Variants in SLC12A3 observed in about 807,000 individuals in gnomAD.
SLC12A3 encodes the protein Na-Cl cotransporter.
Under a neutral mutation model 121.0 loss-of-function variants are expected in SLC12A3, and 104 were observed. That is an observed-to-expected ratio of 0.86 (90% CI 0.73 to 1.01). The LOEUF is 1.01. Ranked by LOEUF, SLC12A3 falls within the 50% of genes least tolerant of loss-of-function variation. The probability of loss-of-function intolerance (pLI) is 0.00; values close to 1 mark genes in which losing one functional copy is unlikely to be tolerated. For missense variants in SLC12A3, 1,328 were observed against 1,356.3 expected (o/e 0.98, Z 0.33); for synonymous variants, 536 against 533.4 (o/e 1.00, Z -0.07).
chr16:56,865,649 GC>G, intron 1 of SLC12A3, 132 bp downstream of exon 1: 3 of 1,000,660 alleles, frequency 3.0e-6, no homozygotes, highest in Non-Finnish European at 4.6e-6. Flanking sequence ...GGGTTGAGAG[GC>G]CCCAGTGAAA....
At chr16:56,870,772 G>T (rs1270053737) in intron 6 of SLC12A3, 36 bp downstream of exon 6, 2 of 1,347,422 alleles carry the variant, frequency 1.5e-6, no homozygotes, top group South Asian at 2.3e-5. Flanking sequence ...CATGGAGGTG[G>T]TCACGTGGAG....
At chr16:56,870,479 T>C (rs2055078071) in intron 5 of SLC12A3, 147 bp from the exon 6 acceptor site, 4 of 759,946 alleles carry the variant, frequency 5.3e-6, no homozygotes, top group Non-Finnish European at 9.2e-6. Flanking sequence ...CAGCAGCTGC[T>C]TTGGGGACTC....
At chr16:56,898,001 T>C (rs2055488039) in intron 22 of SLC12A3, among the ~76,000 whole-genome samples, 1 of 152,110 alleles carries the variant, frequency 6.6e-6, no homozygotes, top group South Asian at 2.1e-4. Context: ...TCCCATTTCT[T>C]CCTCTCTCCC....
intron 8 of SLC12A3, 88 bp downstream of exon 8, chr16:56,872,874 G>A (rs540181165): frequency 9.8e-6 from 15 of 1,537,752 alleles, no homozygotes; most frequent in Admixed American, 6.7e-5. Context: ...GGCATCTGCC[G>A]CTGACCTGGG....
intron 23 of SLC12A3, among the ~76,000 whole-genome samples, chr16:56,900,551 GA>G (rs2055524614): frequency 1.4e-5 from 1 of 72,986 alleles, no homozygotes; most frequent in Non-Finnish European, 2.5e-5. Context: ...TTATTTATGA[GA>G]TAGAGTCTTG....
intron 25 of SLC12A3, among the ~76,000 whole-genome samples, chr16:56,911,314 T>TGTTC (rs1491359524): frequency 1.4e-4 from 20 of 146,378 alleles, no homozygotes; most frequent in African/African-American, 5.4e-4. Flanking sequence ...ACCTTTTGTT[T>TGTTC]GTTTGTTTGT....
Position 56,880,241 on chromosome 16 carries a change from T to G in SLC12A3, c.1555T>G (p.Phe519Val). ...YLLAYAIAVAFIIIAELNTIA... is the reference protein window; with the variant it reads ...YLLAYAIAVAVIIIAELNTIA... The stretch of plus-strand genomic sequence containing the variant: ...GCTGGCCTACGCCATCGCTGTGGCC[T>G]TCATCATCATCGGTAAGGCTCTGCC... Residue 519 changes from phenylalanine (F) to valine (V), a missense_variant, in exon 12 of 26, where the codon TTC becomes GTC. By Grantham distance (50) the Phe-to-Val change is conservative. Coordinates refer to ENST00000563236, the MANE Select transcript of SLC12A3 (RefSeq NM_001126108.2). 1 of 1,581,880 alleles carries G rather than the reference T, an allele frequency of 6.3e-7. No homozygotes were observed. Among genetic ancestry groups the G allele is most frequent in the Non-Finnish European group, 8.6e-7 (1 of 1,163,458 alleles).
Position 56,865,232 on chromosome 16 carries a change from G to A in SLC12A3, c.-4G>A, listed in dbSNP as rs765470072. The A allele has an allele frequency of 1.3e-5, 21 of 1,613,266 alleles. No individual in the cohort carries two copies. Among genetic ancestry groups the A allele is most frequent in the East Asian group, 4.5e-5 (2 of 44,886 alleles). ...CTGGCCCCTCCCTGGACACCCAGGCGACAATGGCAGAACTGCCCACAACAG... is the reference window on the plus strand; with the variant it reads ...CTGGCCCCTCCCTGGACACCCAGGCAACAATGGCAGAACTGCCCACAACAG... On this transcript the variant is annotated 5_prime_UTR_variant, in exon 1 of 26. Transcript: ENST00000563236.
intron 3 of SLC12A3, among the ~76,000 whole-genome samples, chr16:56,868,619 G>A (rs138031568): frequency 1.3e-5 from 2 of 152,226 alleles, no homozygotes; most frequent in Non-Finnish European, 2.9e-5. Context: ...CCCTCAGTAA[G>A]CCACTTAACC....
chr16:56,870,258 T>G (rs754979469), intron 5 of SLC12A3, 23 bp downstream of exon 5: 2 of 1,609,278 alleles, frequency 1.2e-6, no homozygotes, highest in South Asian at 1.1e-5. Flanking sequence ...GGCTGGACCC[T>G]GGGTAGAGGG....
At chr16:56,871,895 G>T (rs546548179) in intron 6 of SLC12A3, among the ~76,000 whole-genome samples, 45 of 152,140 alleles carry the variant, frequency 3.0e-4, no homozygotes, top group Admixed American at 5.9e-4. Flanking sequence ...GCTAATTTTT[G>T]TATTTTTAGT....
chr16:56,870,164 G>A lies in SLC12A3; in HGVS notation c.670G>A (p.Ala224Thr), dbSNP rs201727970. 56 of 1,614,046 alleles carry A rather than the reference G, an allele frequency of 3.5e-5. 1 individual carries two copies. The South Asian group carries it at 3.8e-4, about 11-fold the overall frequency. Reference protein sequence around the residue: ...ELGGSIGLIFAFANAVGVAMH... With the variant: ...ELGGSIGLIFTFANAVGVAMH... ...TGGGGGCTCCATCGGCCTCATTTTC[G>A]CTTTCGCCAATGCCGTGGGTGTGGC... The change falls in exon 5 of 26, where the codon GCT becomes ACT. Residue 224 changes from alanine to threonine, a missense_variant. By Grantham distance (58) the Ala-to-Thr change is moderately conservative. Transcript: ENST00000563236.
intron 18 of SLC12A3, among the ~76,000 whole-genome samples, chr16:56,888,505 A>G (rs1421987791): frequency 6.9e-6 from 1 of 145,842 alleles, no homozygotes; most frequent in Non-Finnish European, 1.5e-5. Context: ...AATGGGCTCT[A>G]GTGCCCGTGC....
At chr16:56,866,968 G>T (rs1467576072) in intron 1 of SLC12A3, 102 bp from the exon 2 acceptor site, 4 of 1,500,840 alleles carry the variant, frequency 2.7e-6, no homozygotes, top group East Asian at 4.5e-5. Flanking sequence ...GGGGTCGGGG[G>T]GTGCTCGGTA....
chr16:56,904,205 C>T (rs1453169212), intron 24 of SLC12A3, 190 bp from the exon 25 acceptor site: 2 of 597,680 alleles, frequency 3.3e-6, no homozygotes, highest in Non-Finnish European at 6.2e-6. Context: ...AGGAGGTGAG[C>T]TTGGTGCTCC....
intron 6 of SLC12A3, among the ~76,000 whole-genome samples, chr16:56,871,399 C>T (rs894637243): frequency 2.4e-4 from 37 of 152,212 alleles, no homozygotes; most frequent in South Asian, 2.1e-4. Context: ...CACATGGCTG[C>T]GAGGGAGCCT....
intron 23 of SLC12A3, among the ~76,000 whole-genome samples, chr16:56,901,896 C>G (rs1326067263): frequency 6.6e-6 from 1 of 152,250 alleles, no homozygotes. Context: ...TCTGCACCCC[C>G]TGTCCCGTGC....
intron 20 of SLC12A3, among the ~76,000 whole-genome samples, chr16:56,892,478 G>A (rs1390344414): frequency 6.6e-6 from 1 of 152,192 alleles, no homozygotes; most frequent in Non-Finnish European, 1.5e-5. Context: ...AATATTGCCA[G>A]GAGGTGGAGA....
At chr16:56,868,985 A>AAT (rs1555499382) in intron 3 of SLC12A3, among the ~76,000 whole-genome samples, 31 of 151,624 alleles carry the variant, frequency 2.0e-4, no homozygotes, top group East Asian at 3.9e-4. Context: ...AAAAAAATAA[A>AAT]AAATAAAAAA....
Sources: gnomAD v4.1 joint callset for allele counts (sites outside exome capture counted in the v4.1 genomes callset) on GRCh38, gnomAD v4.1.1 for gene constraint, MANE v1.5 for transcripts, NCBI Gene and HGNC (gene_info 2026-07-23, HGNC 2026-07-21) for gene names.